Variants in GSE1 observed in about 807,000 individuals in gnomAD.
GSE1 encodes the protein genetic suppressor element 1.
Under a neutral mutation model 112.6 loss-of-function variants are expected in GSE1, and 32 were observed. The observed-to-expected ratio is 0.28, with a 90% CI of 0.21 to 0.38. The LOEUF (loss-of-function observed/expected upper bound fraction) is 0.38. Among genes scored for constraint, GSE1 ranks in the 10% least tolerant of loss-of-function variants. The pLI is 1.00. For synonymous variants in GSE1, 1,115 were observed against 735.6 expected, an observed-to-expected ratio of 1.52 and a Z score of -8.35; for missense variants, 2,348 against 1,699.2, an observed-to-expected ratio of 1.38 and a Z score of -6.71.
Position 85,604,910 on chromosome 16 carries a change from C to T in GSE1, c.38-43642C>T, listed in dbSNP as rs1362474197. On this transcript the variant is annotated intron_variant, in intron 1 of 2. Coordinates refer to the GSE1 transcript ENST00000635906. ...TCGGCTCACTGCAAGCTCCGCCTCC[C>T]GGGTTCACGCCATTCTCCTGCCTCA... 3.7e-4 allele frequency among the ~76,000 whole-genome samples: 45 copies of T among 121,142 alleles called. 1 individual carries two copies. Among genetic ancestry groups the T allele is most frequent in the Non-Finnish European group, 6.4e-4 (38 of 59,296 alleles). 79.5% of individuals were successfully genotyped at this position (121,142 alleles called of 152,430 possible).
At chr16:85,556,104 C>T (rs2045196858) in exon 1 of GSE1, 2 of 981,110 alleles carry the variant, frequency 2.0e-6, no homozygotes, top group Non-Finnish European at 2.4e-6. Context: ...ATTGCCTGGG[C>T]GCTGGTCGGA....
At chr16:85,169,738 C>T (rs1355106286) in exon 1 of GSE1, 1 of 983,866 alleles carries the variant, frequency 1.0e-6, no homozygotes, top group Non-Finnish European at 1.2e-6. Flanking sequence ...GGAGCCGGCG[C>T]CCGGCGCGCG....
chr16:85,473,541 G>A (rs1483217642), intron 2 of GSE1, among the ~76,000 whole-genome samples: 1 of 152,220 alleles, frequency 6.6e-6, no homozygotes. Flanking sequence ...GCTCCCCCTG[G>A]CTGCCACGGT....
At chr16:85,202,969 C>T (rs1276223949) in intron 1 of GSE1, among the ~76,000 whole-genome samples, 2 of 151,086 alleles carry the variant, frequency 1.3e-5, no homozygotes, top group Admixed American at 1.3e-4. Context: ...CCTCCTCCCC[C>T]TCCCTCCCCA....
intron 2 of GSE1, among the ~76,000 whole-genome samples, chr16:85,639,248 C>G (rs2050247092): frequency 1.3e-5 from 2 of 152,362 alleles, no homozygotes; most frequent in Middle Eastern, 3.4e-3. Context: ...CCGCTGTAGC[C>G]CAGACTCCTC....
chr16:85,390,556 G>A (rs2047814883), intron 2 of GSE1, among the ~76,000 whole-genome samples: 1 of 152,122 alleles, frequency 6.6e-6, no homozygotes, highest in Admixed American at 6.5e-5. Context: ...TAAAGGTGTC[G>A]GGCTTTATGT....
chr16:85,586,089 C>G (rs980333264), intron 1 of GSE1, among the ~76,000 whole-genome samples: 1 of 152,242 alleles, frequency 6.6e-6, no homozygotes, highest in African/African-American at 2.4e-5. Context: ...ACTTGGCCGT[C>G]CGTTCCCTGT....
rs760131470 is a variant in GSE1 at position 85,663,429 on chromosome 16, G to C, written c.2459G>C (p.Arg820Thr). Reference sequence around the variant, plus strand: ...GCCCAGAAGCGGAGGAAGCGGCGGAGGATGCTGCGAGAGAGAAGCCCGTCG... The same window carrying C: ...GCCCAGAAGCGGAGGAAGCGGCGGACGATGCTGCGAGAGAGAAGCCCGTCG... The part of the protein sequence containing the change: ...LVAQKRRKRR[R>T]MLRERSPSPP... Residue 820 changes from arginine (R) to threonine (T), a missense_variant, in exon 11 of 16, where the codon AGG (arginine) becomes ACG (threonine). Coordinates refer to ENST00000253458, the MANE Select transcript of GSE1 (RefSeq NM_014615.5). 2 of 1,613,924 alleles carry C rather than the reference G, an allele frequency of 1.2e-6. No individual in the cohort carries two copies. The highest frequency in any genetic ancestry group is 2.2e-5 in the South Asian group (2 of 91,082).
At chr16:85,646,168 A>G (rs371569766) in intron 2 of GSE1, among the ~76,000 whole-genome samples, 1,462 of 117,946 alleles carry the variant, frequency 0.012, 30 homozygotes, top group South Asian at 0.049. Context: ...CACGCTTCCT[A>G]TGCATGCATT....
intron 1 of GSE1, among the ~76,000 whole-genome samples, chr16:85,217,754 C>T (rs1182283684): frequency 1.3e-5 from 2 of 152,136 alleles, no homozygotes; most frequent in African/African-American, 4.8e-5. Flanking sequence ...CCTCCTGTTG[C>T]CCACGTCATT....
chr16:85,339,133 T>A (rs1275262689), intron 1 of GSE1, among the ~76,000 whole-genome samples: 1 of 152,094 alleles, frequency 6.6e-6, no homozygotes, highest in East Asian at 1.9e-4. Context: ...GGTCACTGGG[T>A]CTGGTGTCAT....
At chr16:85,352,046 A>T (rs1005452397) in intron 1 of GSE1, among the ~76,000 whole-genome samples, 5 of 152,100 alleles carry the variant, frequency 3.3e-5, no homozygotes, top group African/African-American at 1.2e-4. Context: ...AGACCTAGGG[A>T]TCTCATGGAC....
In GSE1 at chr16:85,276,255, C is replaced by A. The variant is rs146970935; in HGVS notation, c.2284-81208C>A. ...CCCATGCTGAGCATTGCTTTCTGAA[C>A]TGTTTGAGCACCTGACTTGAATCTC... is the stretch of plus-strand genomic sequence containing the variant. On this transcript the variant is annotated intron_variant, in intron 1 of 2. Transcript: ENST00000637419. Among the ~76,000 whole-genome samples, 165 of 152,384 alleles carry A rather than the reference C, an allele frequency of 1.1e-3. 1 individual carries two copies. The highest frequency in any genetic ancestry group is 9.4e-3 in the East Asian group (49 of 5,186).
At chr16:85,346,240 G>A (rs545837138) in intron 1 of GSE1, among the ~76,000 whole-genome samples, 2 of 150,096 alleles carry the variant, frequency 1.3e-5, no homozygotes, top group African/African-American at 4.9e-5. Flanking sequence ...CGGGTGGGTG[G>A]ATGATGGATG....
At chr16:85,532,565 C>A (rs540530541) in intron 2 of GSE1, among the ~76,000 whole-genome samples, 2 of 152,152 alleles carry the variant, frequency 1.3e-5, no homozygotes. Context: ...TCTGGCCTAG[C>A]GCTGGGGACC....
At chr16:85,223,542 A>C (rs968778787) in intron 1 of GSE1, among the ~76,000 whole-genome samples, 3 of 152,032 alleles carry the variant, frequency 2.0e-5, no homozygotes, top group Non-Finnish European at 4.4e-5. Context: ...CAACAAAAAA[A>C]TTGTGGTAAG....
intron 5 of GSE1, among the ~76,000 whole-genome samples, 167 bp downstream of exon 5, chr16:85,655,158 T>C (rs2051810993): frequency 6.6e-6 from 1 of 152,198 alleles, no homozygotes; most frequent in Admixed American, 6.5e-5. Context: ...TCAGCCCTGA[T>C]GGCCCATTAG....
chr16:85,224,246 C>T lies in GSE1; in HGVS notation c.2283+52439C>T, dbSNP rs185046683. On this transcript the variant is annotated intron_variant, in intron 1 of 2. Transcript: ENST00000637419. Reference sequence around the variant, plus strand: ...AGGATGCGCATGAAAAGCGAGAAGGCGAGGGAGGAGGAGGGTTTCATAACC... The same window carrying T: ...AGGATGCGCATGAAAAGCGAGAAGGTGAGGGAGGAGGAGGGTTTCATAACC... Among the ~76,000 whole-genome samples, 195 of 113,192 alleles carry T rather than the reference C, an allele frequency of 1.7e-3. 3 individuals are homozygous for T. In the East Asian group the frequency reaches 0.034, roughly 20 times the overall value. The allele number at this position is 113,192 out of a possible 152,430, so 74.3% of individuals were successfully genotyped here. A position where few individuals can be genotyped will look rare whatever the true frequency, so the allele number is the denominator to read the frequency against.
chr16:85,278,309 T>C (rs983900345), intron 1 of GSE1, among the ~76,000 whole-genome samples: 9 of 152,252 alleles, frequency 5.9e-5, no homozygotes, highest in Admixed American at 5.2e-4. Flanking sequence ...GCGGGAGCCC[T>C]GGAGGTCCCT....
Sources: allele counts gnomAD v4.1 joint callset (sites outside exome capture counted in the v4.1 genomes callset), GRCh38; gene constraint gnomAD v4.1.1; transcripts MANE v1.5; gene names NCBI Gene and HGNC (gene_info 2026-07-23, HGNC 2026-07-21).